The following CMIP variants were observed in gnomAD, a reference collection of about 807,000 sequenced individuals.
The protein encoded by CMIP is C-Maf-inducing protein.
Under a neutral mutation model 97.3 loss-of-function variants are expected in CMIP, and 13 were observed. The observed-to-expected ratio is 0.13, with a 90% CI of 0.09 to 0.21. CMIP has a LOEUF of 0.21. Ranked by LOEUF, CMIP falls within the 10% of genes least tolerant of loss-of-function variation. The probability of loss-of-function intolerance (pLI) is 1.00; values close to 1 mark genes in which losing one functional copy is unlikely to be tolerated. For missense variants in CMIP, 847 were observed against 1,024.9 expected (o/e 0.83, Z 2.37); for synonymous variants, 538 against 436.3 (o/e 1.23, Z -2.91).
intron 1 of CMIP, among the ~76,000 whole-genome samples, chr16:81,552,539 C>T (rs1215207829): frequency 6.6e-6 from 1 of 152,180 alleles, no homozygotes; most frequent in Non-Finnish European, 1.5e-5. Context: ...CTTCTTGGCC[C>T]CTTCCTCCAT....
At chr16:81,544,772 C>T (rs951652484) in intron 1 of CMIP, among the ~76,000 whole-genome samples, 3 of 151,404 alleles carry the variant, frequency 2.0e-5, no homozygotes, top group Non-Finnish European at 4.4e-5. Flanking sequence ...TGGAGTGTTG[C>T]GTGTGTGCAC....
intron 1 of CMIP, among the ~76,000 whole-genome samples, chr16:81,601,155 G>A (rs1045959083): frequency 1.3e-5 from 2 of 152,204 alleles, no homozygotes; most frequent in Non-Finnish European, 2.9e-5. Flanking sequence ...ATCCCCGACT[G>A]GGCAAGGTTT....
rs76887474 is a variant in CMIP at position 81,697,108 on chromosome 16, G to T, written c.1638+441G>T. 48 of 204,062 alleles carry T rather than the reference G, an allele frequency of 2.4e-4. No homozygotes were observed. The East Asian group carries it at 6.8e-3, about 29-fold the overall frequency. The allele number at this position is 204,062 out of a possible 1,614,324, so 12.6% of individuals were successfully genotyped here. A position where few individuals can be genotyped will look rare whatever the true frequency, so the allele number is the denominator to read the frequency against. ...TTTAATCCTTACAAGGAGGTGTCGC[G>T]GTCAGGGGGATTGTTCCCACTATCA... On this transcript the variant is annotated intron_variant, in intron 14 of 20. Transcript: ENST00000537098.
chr16:81,703,540 T>G (rs1907658281), intron 17 of CMIP, among the ~76,000 whole-genome samples: 1 of 150,984 alleles, frequency 6.6e-6, no homozygotes, highest in Admixed American at 6.6e-5. Context: ...GACACACACA[T>G]GTACAGACAC....
chr16:81,633,979 C>T (rs2092200989), intron 3 of CMIP, among the ~76,000 whole-genome samples: 1 of 152,242 alleles, frequency 6.6e-6, no homozygotes, highest in Non-Finnish European at 1.5e-5. Context: ...CTTATCATCC[C>T]AGGCCTCCTG....
At chr16:81,675,596 G>A (rs1481261785) in intron 9 of CMIP, among the ~76,000 whole-genome samples, 1 of 152,126 alleles carries the variant, frequency 6.6e-6, no homozygotes, top group Admixed American at 6.5e-5. Flanking sequence ...ATTCCTGGCT[G>A]CAACATTTCT....
chr16:81,627,745 C>A lies in CMIP; in HGVS notation c.477+6819C>A, dbSNP rs16955690. Among the ~76,000 whole-genome samples, 2 of 152,272 alleles carry A rather than the reference C, an allele frequency of 1.3e-5. No homozygotes were observed. Among genetic ancestry groups the A allele is most frequent in the African/African-American group, 4.8e-5 (2 of 41,544 alleles). ...TGGATAAAGGATGAGGATAAAGGAC[C>A]GTGCCAAAGCCAGATGCCTCCCAGC... On this transcript the variant is annotated intron_variant, in intron 3 of 20. Transcript: ENST00000537098. This position sits in a 1 kb window ranked among gnomAD's most constrained non-coding sequence, Gnocchi z 4.6.
chr16:81,465,908 CT>C (rs1907176109), intron 1 of CMIP, among the ~76,000 whole-genome samples: 1 of 152,228 alleles, frequency 6.6e-6, no homozygotes, highest in Admixed American at 6.5e-5. Flanking sequence ...CACAGCCCCA[CT>C]AGAACACCTT....
At chr16:81,677,797 G>C (rs1402980611) in intron 9 of CMIP, among the ~76,000 whole-genome samples, 1 of 152,166 alleles carries the variant, frequency 6.6e-6, no homozygotes, top group East Asian at 1.9e-4. Context: ...TGGGTTTGGG[G>C]GCAGGAGAGC....
At chr16:81,481,295 T>C (rs1346243970) in intron 1 of CMIP, among the ~76,000 whole-genome samples, 1 of 152,206 alleles carries the variant, frequency 6.6e-6, no homozygotes, top group East Asian at 1.9e-4. Context: ...TGCCGGGCCC[T>C]GTCTCTGCAT....
intron 19 of CMIP, among the ~76,000 whole-genome samples, chr16:81,705,978 G>A (rs1458596500): frequency 1.3e-5 from 2 of 152,312 alleles, no homozygotes; most frequent in Admixed American, 6.5e-5. Context: ...GGTCAGAAAT[G>A]TACATTCCCA....
chr16:81,677,625 G>C (rs573802092), intron 9 of CMIP, among the ~76,000 whole-genome samples: 1 of 152,222 alleles, frequency 6.6e-6, no homozygotes, highest in South Asian at 2.1e-4. Context: ...ACAAATGTGA[G>C]ATTAATAATG....
intron 10 of CMIP, among the ~76,000 whole-genome samples, chr16:81,686,612 C>T (rs1350413391): frequency 6.6e-6 from 1 of 152,212 alleles, no homozygotes; most frequent in African/African-American, 2.4e-5. Flanking sequence ...ATTCTTTTCT[C>T]CGCGTCTGGC....
chr16:81,651,347 A>C (rs1163706963), intron 3 of CMIP: 2 of 829,866 alleles, frequency 2.4e-6, no homozygotes, highest in African/African-American at 3.7e-5. Flanking sequence ...AGAGAGGCGG[A>C]ACTAACTCTG....
chr16:81,527,256 T>C (rs952780222), intron 1 of CMIP, among the ~76,000 whole-genome samples: 3 of 151,938 alleles, frequency 2.0e-5, no homozygotes, highest in Non-Finnish European at 4.4e-5. Flanking sequence ...GTGGGGGAGG[T>C]TGGCTGAGTG....
At chr16:81,638,190 G>A (rs1025263012) in intron 3 of CMIP, among the ~76,000 whole-genome samples, 2 of 152,256 alleles carry the variant, frequency 1.3e-5, no homozygotes, top group South Asian at 2.1e-4. Flanking sequence ...GGGGATACTC[G>A]TCACTGGATT....
chr16:81,696,071 T>C, intron 13 of CMIP: 1 of 159,082 alleles, frequency 6.3e-6, no homozygotes, highest in Non-Finnish European at 1.3e-5. Context: ...CAGGGAGAGG[T>C]TTCTAGAGAA....
rs558812375 is a variant in CMIP, at chr16:81,555,197, T to A, written c.301-52370T>A. ...AGAAATCCACAAGCAGCATTTCCGATGTTGTCATTGTTATAATAAGCAGCA... is the reference window on the plus strand; with the variant it reads ...AGAAATCCACAAGCAGCATTTCCGAAGTTGTCATTGTTATAATAAGCAGCA... On this transcript the variant is annotated intron_variant, in intron 1 of 20. Transcript: ENST00000537098. 2.3e-4 allele frequency among the ~76,000 whole-genome samples: 35 copies of A among 152,312 alleles called. No individual in the cohort carries two copies. The South Asian group carries it at 7.0e-3, about 31-fold the overall frequency.
rs1376242682 is a variant in CMIP, at chr16:81,487,412, A to T, written c.300+41871A>T. Among the ~76,000 whole-genome samples the T allele has an allele frequency of 4.6e-5, 7 of 152,284 alleles. 1 individual carries two copies. Among genetic ancestry groups the T allele is most frequent in the Admixed American group, 4.6e-4 (7 of 15,310 alleles). On this transcript the variant is annotated intron_variant, in intron 1 of 20. Coordinates refer to ENST00000537098, the MANE Select transcript of CMIP (RefSeq NM_198390.3). ...GACTGCTCCACTCCCGAGGCCCCAG[A>T]CCAAACCACACAGCCCTTGAGGGTG...
Sources: allele counts gnomAD v4.1 joint callset (sites outside exome capture counted in the v4.1 genomes callset), GRCh38; gene constraint gnomAD v4.1.1; non-coding constraint Gnocchi (gnomAD v3.1); transcripts MANE v1.5; gene names NCBI Gene and HGNC (gene_info 2026-07-23, HGNC 2026-07-21).